FAM186B: variants seen among roughly 807,000 people sequenced by gnomAD.
FAM186B encodes protein FAM186B.
A neutral mutation model predicts 83.4 loss-of-function variants in FAM186B; 68 were observed. The ratio of observed to expected loss-of-function variants is 0.81; its 90% CI spans 0.67 to 1.00. The LOEUF is 1.00. Ranked by LOEUF, FAM186B falls within the 50% of genes least tolerant of loss-of-function variation. The probability of loss-of-function intolerance (pLI) is 0.00; values close to 1 mark genes in which losing one functional copy is unlikely to be tolerated. For synonymous variants in FAM186B, 389 were observed against 422.0 expected, an observed-to-expected ratio of 0.92 and a Z score of 0.96; for missense variants, 983 against 1,099.2, an observed-to-expected ratio of 0.89 and a Z score of 1.49.
chr12:49,600,603 G>C lies in FAM186B; in HGVS notation c.1037C>G (p.Thr346Ser). ...CATGACTGTTTCTTTCCTTGGGAGG[G>C]TCTCTCTCTCAGAGGGACCTGGGGA... ...VDSPGPSERE[T>S]LPRKETVMEE... is the part of the protein sequence containing the mutation. The change falls in exon 4 of 7, where the codon ACC (threonine) becomes AGC (serine). Residue 346 changes from threonine (T) to serine (S), a missense_variant. Transcript: ENST00000257894. The surrounding 1 kb of genome is among the most constrained non-coding windows in gnomAD (Gnocchi z 4.3). 9 of 1,612,278 alleles carry C rather than the reference G, an allele frequency of 5.6e-6. No individual in the cohort carries two copies. Among genetic ancestry groups the C allele is most frequent in the Non-Finnish European group, 6.8e-6 (8 of 1,179,000 alleles).
chr12:49,610,627 A>G (rs1392461703), upstream of FAM186B, among the ~76,000 whole-genome samples: 1 of 151,980 alleles, frequency 6.6e-6, no homozygotes, highest in African/African-American at 2.4e-5. Flanking sequence ...CGTCTCTACT[A>G]AAAATACAAA....
the FAM186B span, among the ~76,000 whole-genome samples, chr12:49,610,756 C>G: frequency 6.7e-6 from 1 of 149,578 alleles, no homozygotes; most frequent in Non-Finnish European, 1.5e-5. Flanking sequence ...CGCCACTGCA[C>G]TCCAGCCTGG....
rs764769440 is a variant in FAM186B at position 49,598,774 on chromosome 12, A to AT, written c.2344dup (p.Met782AsnfsTer20). ...GCCCACCTTGGGGAACATGGTCACCATGCTGCTCAGGCACTCTCGGTGCTT... is the reference window on the plus strand; with the variant it reads ...GCCCACCTTGGGGAACATGGTCACCATTGCTGCTCAGGCACTCTCGGTGCTT... On this transcript the variant is annotated frameshift_variant, in exon 5 of 7. Transcript: ENST00000257894. LOFTEE classifies it high-confidence loss of function. The AT allele has an allele frequency of 1.1e-5, 18 of 1,607,162 alleles. No individual in the cohort carries two copies. The highest frequency in any genetic ancestry group is 1.7e-6 in the Non-Finnish European group (2 of 1,178,682).
rs1407639162 is a variant in FAM186B at position 49,598,812 on chromosome 12, C to T, written c.2307G>A (p.Lys769=). ...LRLQAWTDKQ[K]GLEEKHRECL... ...ACTCTCGGTGCTTCTCCTCCAGCCC[C>T]TTCTGCTTGTCCGTCCAGGCCTGCA... The change falls in exon 5 of 7, where the codon AAG becomes AAA. Residue 769 remains lysine (K), a synonymous_variant. Transcript: ENST00000257894. 15 of 1,612,904 alleles carry T rather than the reference C, an allele frequency of 9.3e-6. No individual in the cohort carries two copies. Among genetic ancestry groups the T allele is most frequent in the Non-Finnish European group, 1.3e-5 (15 of 1,179,866 alleles).
downstream of FAM186B, among the ~76,000 whole-genome samples, chr12:49,586,832 G>A (rs1237114172): frequency 1.3e-5 from 2 of 152,176 alleles, no homozygotes; most frequent in African/African-American, 2.4e-5. Flanking sequence ...CCAGGGATTC[G>A]CCCTCTTTGA....
intron 5 of FAM186B, among the ~76,000 whole-genome samples, chr12:49,590,255 G>A (rs983206765): frequency 6.6e-6 from 1 of 152,070 alleles, no homozygotes; most frequent in African/African-American, 2.4e-5. Flanking sequence ...AAGAGAAAAG[G>A]AAGTTTGGGT....
rs182469868 is a variant in FAM186B, at chr12:49,603,365, C to T, written c.325G>A (p.Asp109Asn). 238 of 1,614,128 alleles carry T rather than the reference C, an allele frequency of 1.5e-4. No individual in the cohort carries two copies. In the East Asian group the frequency reaches 3.2e-3, roughly 22 times the overall value. ...GGCCCAATCTCATAGGTCAGAGTGT[C>T]ACCTGGAGAAGGGATGGGAGGTGCA... ...DILRWLGDWG[D>N]TLTYEIGPRK... Residue 109 changes from aspartate (D) to asparagine (N), a missense_variant and splice_region_variant, in exon 3 of 7, where the codon GAC becomes AAC. By Grantham distance (23) the Asp-to-Asn change is conservative. Coordinates refer to ENST00000257894, the MANE Select transcript of FAM186B (RefSeq NM_032130.3).
chr12:49,584,454 G>A (rs1164181603), downstream of FAM186B: 2 of 700,452 alleles, frequency 2.9e-6, no homozygotes, highest in Non-Finnish European at 5.2e-6. Context: ...TCCCTCAGAA[G>A]GTTGAGAATC....
Position 49,605,486 on chromosome 12 carries a change from A to C in FAM186B, c.-9T>G. 6.2e-7 allele frequency: 1 copy of C among 1,611,356 alleles called. No individual in the cohort carries two copies. Among genetic ancestry groups the C allele is most frequent in the Non-Finnish European group, 8.5e-7 (1 of 1,178,822 alleles). ...GGGTCATCCTTCTCCATTTTGGATC[A>C]CTCTGTCAGTCACAAAACATCCTGT... On this transcript the variant is annotated 5_prime_UTR_variant, in exon 1 of 7. Coordinates refer to ENST00000257894, the MANE Select transcript of FAM186B (RefSeq NM_032130.3).
chr12:49,587,267 C>T (rs1352428100), downstream of FAM186B, among the ~76,000 whole-genome samples: 1 of 152,190 alleles, frequency 6.6e-6, no homozygotes, highest in African/African-American at 2.4e-5. Flanking sequence ...TCCCTCCCTA[C>T]ACCTGGCTCC....
chr12:49,619,499 T>C, the FAM186B span: 1 of 686,076 alleles, frequency 1.5e-6, no homozygotes, highest in Non-Finnish European at 2.7e-6. Flanking sequence ...TACTAAAATG[T>C]TGCATCATCT....
At chr12:49,620,843 T>TA in the FAM186B span, among the ~76,000 whole-genome samples, 1 of 152,208 alleles carries the variant, frequency 6.6e-6, no homozygotes, top group Non-Finnish European at 1.5e-5. Flanking sequence ...GTAAGAATTG[T>TA]AAACGTTAAA....
At chr12:49,589,904 G>A (rs531389298) in intron 5 of FAM186B, among the ~76,000 whole-genome samples, 77 of 147,246 alleles carry the variant, frequency 5.2e-4, no homozygotes, top group African/African-American at 1.8e-3. Flanking sequence ...TTGCTTGAAC[G>A]CAGGAGGCAG....
Position 49,599,547 on chromosome 12 carries a change from G to A in FAM186B, c.2093C>T (p.Thr698Ile). 6.2e-7 allele frequency: 1 copy of A among 1,610,418 alleles called. No individual in the cohort carries two copies. Among genetic ancestry groups the A allele is most frequent in the East Asian group, 2.2e-5 (1 of 44,868 alleles). The stretch of plus-strand genomic sequence containing the variant: ...CCTGAGCGCGCCCAGCTCCATGGTG[G>A]TGGTGGTGAGCTCCAGTGCTTTGCT... ...LRSKALELTT[T>I]TMELGALRLQ... is the part of the protein sequence containing the mutation. The change falls in exon 4 of 7, where the codon ACC (threonine) becomes ATC (isoleucine). Residue 698 changes from threonine (T) to isoleucine (I), a missense_variant. Coordinates refer to ENST00000257894, the MANE Select transcript of FAM186B (RefSeq NM_032130.3).
the FAM186B span, among the ~76,000 whole-genome samples, chr12:49,612,280 G>A: frequency 8.9e-4 from 136 of 152,042 alleles, no homozygotes; most frequent in African/African-American, 2.8e-3. Flanking sequence ...TAACATAAAG[G>A]GTTGAAGAAA....
In FAM186B at chr12:49,599,484, C is replaced by T. The variant is rs375483333; in HGVS notation, c.2156G>A (p.Arg719His). The T allele has an allele frequency of 1.9e-5, 29 of 1,536,860 alleles. No individual in the cohort carries two copies. Among genetic ancestry groups the T allele is most frequent in the Non-Finnish European group, 2.2e-5 (25 of 1,145,026 alleles). Residue 719 changes from arginine to histidine, a missense_variant, in exon 4 of 7, where the codon CGC (arginine) becomes CAC (histidine). By Grantham distance (29) the Arg-to-His change is conservative. Coordinates refer to ENST00000257894, the MANE Select transcript of FAM186B (RefSeq NM_032130.3). ...GAGGACCTACCGGAGGCTCTGGAGG[C>T]GTCTATAGAAGATGTACTTATGGCA... is the stretch of plus-strand genomic sequence containing the variant. ...YLCHKYIFYR[R>H]LQSLRQEAIN... is the part of the protein sequence containing the mutation.
chr12:49,600,419 G>C lies in FAM186B; in HGVS notation c.1221C>G (p.Ser407Arg), dbSNP rs1362177805. ...CAGGCTCAAGGCTCTCAGTGTCCTTGCTGCCGAACACATCTGCGACCCTCG... is the reference window on the plus strand; with the variant it reads ...CAGGCTCAAGGCTCTCAGTGTCCTTCCTGCCGAACACATCTGCGACCCTCG... Reference protein sequence around the residue: ...VRSRVADVFGSKDTESLEPVL... With the variant: ...VRSRVADVFGRKDTESLEPVL... The change falls in exon 4 of 7, where the codon AGC becomes AGG. Residue 407 changes from serine to arginine, a missense_variant. Ser to Arg is a moderately radical substitution (Grantham distance 110, BLOSUM62 -1). Coordinates refer to ENST00000257894, the MANE Select transcript of FAM186B (RefSeq NM_032130.3). The surrounding 1 kb of genome is among the most constrained non-coding windows in gnomAD (Gnocchi z 4.3). 6.2e-7 allele frequency: 1 copy of C among 1,613,854 alleles called. No homozygotes were observed. The highest frequency in any genetic ancestry group is 1.7e-5 in the Admixed American group (1 of 59,980).
At chr12:49,595,223 T>C (rs1939686374) in intron 5 of FAM186B, 2 of 643,912 alleles carry the variant, frequency 3.1e-6, no homozygotes, top group Non-Finnish European at 2.8e-6. Context: ...AAGGTCACCA[T>C]TGCAGGTCTG....
chr12:49,597,148 A>C (rs1056003277), intron 5 of FAM186B, among the ~76,000 whole-genome samples: 2 of 152,220 alleles, frequency 1.3e-5, no homozygotes, highest in African/African-American at 2.4e-5. Flanking sequence ...GTAGCAGGCT[A>C]TCCCATCTAG....
Sources: allele counts gnomAD v4.1 joint callset (sites outside exome capture counted in the v4.1 genomes callset), GRCh38; gene constraint gnomAD v4.1.1; non-coding constraint Gnocchi (gnomAD v3.1); transcripts MANE v1.5; gene names NCBI Gene and HGNC (gene_info 2026-07-23, HGNC 2026-07-21).